GRK5: variants seen among roughly 807,000 people sequenced by gnomAD.
The protein encoded by GRK5 is G protein-coupled receptor kinase 5.
Under a neutral mutation model 78.4 loss-of-function variants are expected in GRK5, and 40 were observed. That is an observed-to-expected ratio of 0.51 (90% CI 0.40 to 0.66). GRK5 has a LOEUF of 0.66. Ranked by LOEUF, GRK5 falls within the 30% of genes least tolerant of loss-of-function variation. The probability of loss-of-function intolerance (pLI) is 0.00; values close to 1 mark genes in which losing one functional copy is unlikely to be tolerated. For synonymous variants in GRK5, 289 were observed against 296.8 expected (o/e 0.97, Z 0.27); for missense variants, 598 against 759.9 (o/e 0.79, Z 2.50).
intron 2 of GRK5, among the ~76,000 whole-genome samples, chr10:119,371,356 T>C (rs1851543708): frequency 6.6e-6 from 1 of 152,240 alleles, no homozygotes; most frequent in South Asian, 2.1e-4. Flanking sequence ...TGGGAAACTC[T>C]GGTTGCCCTC....
At position 119,378,567 on chromosome 10, in the gene GRK5, A is replaced by G. The variant is rs1399423126; in HGVS notation, c.149-2248A>G. Among the ~76,000 whole-genome samples, 1 of 152,250 alleles carries G rather than the reference A, an allele frequency of 6.6e-6. No individual in the cohort carries two copies. The highest frequency in any genetic ancestry group is 1.5e-5 in the Non-Finnish European group (1 of 68,048). On this transcript the variant is annotated intron_variant, in intron 2 of 15. Coordinates refer to ENST00000392870, the MANE Select transcript of GRK5 (RefSeq NM_005308.3). The surrounding 1 kb of genome is among the most constrained non-coding windows in gnomAD (Gnocchi z 4.5). ...CGGCTCTTTCCGTTCCAGGAGGCAG[A>G]CAGCGGAGTGCTGAGGCCGTGTCCC...
chr10:119,268,993 T>A (rs1392006061), intron 1 of GRK5, among the ~76,000 whole-genome samples: 1 of 152,196 alleles, frequency 6.6e-6, no homozygotes, highest in Admixed American at 6.5e-5. Context: ...GGAGATGGTA[T>A]CTGTTTCCCA....
rs1198598696 is a variant in GRK5, at chr10:119,394,497, G to A, written c.262-2198G>A. Among the ~76,000 whole-genome samples, 2 of 86,466 alleles carry A rather than the reference G, an allele frequency of 2.3e-5. 1 individual carries two copies. The highest frequency in any genetic ancestry group is 4.7e-5 in the Non-Finnish European group (2 of 42,732). 56.7% of individuals were successfully genotyped at this position (86,466 alleles called of 152,430 possible). On this transcript the variant is annotated intron_variant, in intron 3 of 15. Transcript: ENST00000392870. ...TGTGTGTGGGTGTGTGTATCTGCGT[G>A]TCTGTGGGCACGTGTGTGTGGGTGT...
At chr10:119,222,782 G>A (rs757368199) in intron 1 of GRK5, among the ~76,000 whole-genome samples, 26 of 152,228 alleles carry the variant, frequency 1.7e-4, no homozygotes, top group Non-Finnish European at 2.4e-4. Flanking sequence ...CTGAGGCTAC[G>A]GGCTCCGTGT....
chr10:119,294,190 C>A (rs551768842), intron 1 of GRK5, among the ~76,000 whole-genome samples: 1 of 152,302 alleles, frequency 6.6e-6, no homozygotes, highest in Admixed American at 6.5e-5. Flanking sequence ...GACCCAAGTT[C>A]AAATCTCTGC....
chr10:119,208,307 A>G (rs2133690873), intron 1 of GRK5, among the ~76,000 whole-genome samples: 1 of 152,336 alleles, frequency 6.6e-6, no homozygotes, highest in Admixed American at 6.5e-5. Context: ...ACATGCACAT[A>G]AAATAGCGTT....
intron 1 of GRK5, among the ~76,000 whole-genome samples, chr10:119,231,041 A>G (rs554668665): frequency 9.9e-5 from 15 of 152,208 alleles, no homozygotes; most frequent in African/African-American, 3.6e-4. Context: ...CTAAATCTAT[A>G]GCACTTGGCA....
At position 119,207,579 on chromosome 10, in the gene GRK5, CCGAGGCATT is replaced by C. The variant is rs1343041586; in HGVS notation, c.-338_-330del. 1 of 273,980 alleles carries C rather than the reference CCGAGGCATT, an allele frequency of 3.6e-6. No homozygotes were observed. Among genetic ancestry groups the C allele is most frequent in the Non-Finnish European group, 7.0e-6 (1 of 142,762 alleles). 17.0% of individuals were successfully genotyped at this position (273,980 alleles called of 1,614,324 possible). ...AGGGACTGAGGGGAGGCAGAAGCAT[CCGAGGCATT>C]AAAGCATCCGAGGGAGCCGGAGGGG... On this transcript the variant is annotated 5_prime_UTR_variant, in exon 1 of 16. Transcript: ENST00000392870.
At chr10:119,227,440 G>A (rs1424644091) in intron 1 of GRK5, among the ~76,000 whole-genome samples, 1 of 152,076 alleles carries the variant, frequency 6.6e-6, no homozygotes, top group East Asian at 1.9e-4. Flanking sequence ...GGTGGCGCAT[G>A]CCTGTAAACT....
intron 1 of GRK5, among the ~76,000 whole-genome samples, chr10:119,211,916 G>T (rs1170900825): frequency 1.3e-5 from 2 of 152,212 alleles, no homozygotes; most frequent in African/African-American, 4.8e-5. Flanking sequence ...AATTCATGGT[G>T]ATAAAACCAA....
At chr10:119,327,568 G>T (rs1362292345) in intron 2 of GRK5, among the ~76,000 whole-genome samples, 1 of 152,204 alleles carries the variant, frequency 6.6e-6, no homozygotes, top group African/African-American at 2.4e-5. Context: ...CCAGGGCCTC[G>T]GGTGAGCTGC....
intron 2 of GRK5, chr10:119,334,349 C>T (rs145214050): frequency 6.3e-6 from 1 of 157,526 alleles, no homozygotes; most frequent in African/African-American, 2.4e-5. Flanking sequence ...CCACCCATCT[C>T]TCTGCTTCCA....
intron 4 of GRK5, among the ~76,000 whole-genome samples, chr10:119,419,090 A>T (rs1311487157): frequency 1.3e-5 from 2 of 151,944 alleles, no homozygotes; most frequent in African/African-American, 2.4e-5. Flanking sequence ...TCTCTCCAGA[A>T]CCCACCCGGC....
rs547768450 is a variant in GRK5 at position 119,430,368 on chromosome 10, C to T, written c.534-7C>T. 1.9e-6 allele frequency: 3 copies of T among 1,613,536 alleles called. No homozygotes were observed. Among genetic ancestry groups the T allele is most frequent in the Non-Finnish European group, 2.5e-6 (3 of 1,179,590 alleles). ...TGAGACCAGTGTGGGATTCTTCTTT[C>T]TTCCAGGCAACCGGTGACCAAAAAC... is the stretch of plus-strand genomic sequence containing the variant. On this transcript the variant is annotated splice_region_variant and splice_polypyrimidine_tract_variant and intron_variant, in intron 6 of 15. Transcript: ENST00000392870. This position sits in a 1 kb window ranked among gnomAD's most constrained non-coding sequence, Gnocchi z 4.5.
chr10:119,331,590 C>T (rs1850780236), intron 2 of GRK5, among the ~76,000 whole-genome samples: 1 of 152,234 alleles, frequency 6.6e-6, no homozygotes, highest in Non-Finnish European at 1.5e-5. Flanking sequence ...GGCTTTGTGC[C>T]AAGGGGACAG....
chr10:119,266,428 A>T (rs1589711580), intron 1 of GRK5, among the ~76,000 whole-genome samples: 1 of 151,714 alleles, frequency 6.6e-6, no homozygotes, highest in Admixed American at 6.6e-5. Context: ...GCGCCGCTGC[A>T]CTCCAGCCTG....
At chr10:119,245,213 G>A (rs191805847) in intron 1 of GRK5, among the ~76,000 whole-genome samples, 210 of 152,232 alleles carry the variant, frequency 1.4e-3, no homozygotes, top group African/African-American at 4.9e-3. Context: ...AGTAGGCGGA[G>A]GTTGCAGTGA....
intron 1 of GRK5, among the ~76,000 whole-genome samples, chr10:119,290,319 C>A (rs1270367732): frequency 7.1e-6 from 1 of 139,968 alleles, no homozygotes; most frequent in Admixed American, 7.8e-5. Context: ...TGCATTCCAG[C>A]CTGAGTGACA....
Position 119,423,249 on chromosome 10 carries a change from C to T in GRK5, c.423C>T (p.Leu141=). The change falls in exon 5 of 16, where the codon CTC becomes CTT. Residue 141 remains leucine (L), a synonymous_variant. Transcript: ENST00000392870. ...TCCTACAGAAGCCGTGCAAAGAACTCTTTTCTGCCTGTGCACAGTAAGTGC... is the reference window on the plus strand; with the variant it reads ...TCCTACAGAAGCCGTGCAAAGAACTTTTTTCTGCCTGTGCACAGTAAGTGC... ...EKLLQKPCKE[L]FSACAQSVHE... is the part of the protein sequence containing the mutation. 1 of 1,613,654 alleles carries T rather than the reference C, an allele frequency of 6.2e-7. No individual in the cohort carries two copies. The highest frequency in any genetic ancestry group is 8.5e-7 in the Non-Finnish European group (1 of 1,179,520).
Sources: gnomAD v4.1 joint callset for allele counts (sites outside exome capture counted in the v4.1 genomes callset) on GRCh38, gnomAD v4.1.1 for gene constraint, Gnocchi (gnomAD v3.1) non-coding constraint, MANE v1.5 for transcripts, NCBI Gene and HGNC (gene_info 2026-07-23, HGNC 2026-07-21) for gene names.